The following LRRIQ1 variants were observed in gnomAD, a reference collection of about 807,000 sequenced individuals.
The protein encoded by LRRIQ1 is leucine rich repeats and IQ motif containing 1, also known as leucine-rich repeat- and IQ domain-containing protein 1.
In LRRIQ1, 210 loss-of-function variants were observed where a neutral mutation model predicts 211.9. The observed-to-expected ratio is 0.99, with a 90% CI of 0.89 to 1.11. The LOEUF is 1.11. Among genes scored for constraint, LRRIQ1 ranks in the 50% most tolerant of loss-of-function variants. The pLI is 0.00. For missense variants in LRRIQ1, 2,136 were observed against 1,939.5 expected (o/e 1.10, Z -1.90); for synonymous variants, 699 against 650.1 (o/e 1.08, Z -1.14).
chr12:85,180,475 A>G (rs777967211), intron 24 of LRRIQ1, among the ~76,000 whole-genome samples: 61 of 152,032 alleles, frequency 4.0e-4, no homozygotes, highest in Admixed American at 1.4e-3. Flanking sequence ...TCATTATTTT[A>G]ATTAAAAAAA....
intron 24 of LRRIQ1, chr12:85,162,940 C>T (rs1408814829): frequency 5.5e-6 from 2 of 364,192 alleles, no homozygotes; most frequent in Non-Finnish European, 1.1e-5. Flanking sequence ...TTTTTTTTAA[C>T]AGTTAATATG....
intron 11 of LRRIQ1, among the ~76,000 whole-genome samples, chr12:85,084,484 AT>A (rs1884613753): frequency 6.7e-6 from 1 of 149,924 alleles, no homozygotes; most frequent in African/African-American, 2.5e-5. Context: ...AATAATACTT[AT>A]TATTGCTAGG....
chr12:85,264,784 C>T (rs905731133), downstream of LRRIQ1, among the ~76,000 whole-genome samples: 3 of 152,060 alleles, frequency 2.0e-5, no homozygotes, highest in African/African-American at 7.2e-5. Context: ...TGGACCTAGG[C>T]AATGTTACTA....
chr12:85,219,600 C>G (rs563328868), intron 24 of LRRIQ1, among the ~76,000 whole-genome samples: 154 of 151,764 alleles, frequency 1.0e-3, no homozygotes, highest in African/African-American at 3.6e-3. Context: ...TTTTTTTTCC[C>G]TCTCTGCCAT....
In LRRIQ1 at chr12:85,137,882, A is replaced by G; in HGVS notation, c.4242A>G (p.Lys1414=). ...AVWKGFILRK[K]LTTALEAIKN... ...GGAAGGGCTTTATTTTGCGAAAGAA[A>G]CTGACAACAGCTCTAGAGGCTATTA... The change falls in exon 19 of 27, where the codon AAA becomes AAG. Residue 1414 remains lysine (K), a synonymous_variant. Coordinates refer to ENST00000393217, the MANE Select transcript of LRRIQ1 (RefSeq NM_001079910.2). 4 of 1,594,836 alleles carry G rather than the reference A, an allele frequency of 2.5e-6. No individual in the cohort carries two copies. Among genetic ancestry groups the G allele is most frequent in the Non-Finnish European group, 3.4e-6 (4 of 1,170,966 alleles).
At chr12:85,061,742 CTGTT>C (rs1006585023) in intron 8 of LRRIQ1, among the ~76,000 whole-genome samples, 3 of 151,700 alleles carry the variant, frequency 2.0e-5, no homozygotes, top group Non-Finnish European at 3.0e-5. Flanking sequence ...GAATGTATAT[CTGTT>C]TGTTACAGAT....
chr12:85,128,093 T>G, intron 18 of LRRIQ1, 60 bp downstream of exon 18: 2 of 1,215,852 alleles, frequency 1.6e-6, no homozygotes, highest in Non-Finnish European at 2.4e-6. Context: ...CTTTCATGAT[T>G]TATTCTGTAT....
At chr12:85,239,406 C>CAT (rs1291488414) in intron 26 of LRRIQ1, among the ~76,000 whole-genome samples, 9 of 144,826 alleles carry the variant, frequency 6.2e-5, no homozygotes, top group Non-Finnish European at 1.1e-4. Flanking sequence ...TATACACACA[C>CAT]ATATATGTAT....
At chr12:85,085,192 G>A (rs1369548506) in intron 11 of LRRIQ1, among the ~76,000 whole-genome samples, 1 of 152,098 alleles carries the variant, frequency 6.6e-6, no homozygotes, top group Non-Finnish European at 1.5e-5. Flanking sequence ...CCGAGACTGG[G>A]TAATTTATAA....
chr12:85,192,568 A>G (rs1892599316), intron 24 of LRRIQ1, among the ~76,000 whole-genome samples: 1 of 117,736 alleles, frequency 8.5e-6, no homozygotes, highest in African/African-American at 3.5e-5. Context: ...ATATAATTAT[A>G]TATAAATATA....
At position 85,052,254 on chromosome 12, in the gene LRRIQ1, A is replaced by G. The variant is rs763758526; in HGVS notation, c.753+3A>G. On this transcript the variant is annotated splice_donor_region_variant and intron_variant, in intron 7 of 26. Coordinates refer to ENST00000393217, the MANE Select transcript of LRRIQ1 (RefSeq NM_001079910.2). ...AAGAGAAATTTAAACAGCATGAGGT[A>G]TCTATTTGTTGTTTTTATTTAGCAC... The G allele has an allele frequency of 7.0e-7, 1 of 1,424,998 alleles. No homozygotes were observed. The highest frequency in any genetic ancestry group is 9.7e-7 in the Non-Finnish European group (1 of 1,030,382). The allele number at this position is 1,424,998 out of a possible 1,614,324, so 88.3% of individuals were successfully genotyped here.
chr12:85,064,879 G>C (rs1882262636), intron 8 of LRRIQ1, among the ~76,000 whole-genome samples: 1 of 151,692 alleles, frequency 6.6e-6, no homozygotes. Context: ...CTGTTTCATT[G>C]GTCTGTGTGT....
At position 85,198,083 on chromosome 12, in the gene LRRIQ1, T is replaced by A. The variant is rs866401465; in HGVS notation, c.4823-31434T>A. ...ATATAACATATTATTTATATATAATTTATTATATTATATATTATATTATTT... is the reference window on the plus strand; with the variant it reads ...ATATAACATATTATTTATATATAATATATTATATTATATATTATATTATTT... On this transcript the variant is annotated intron_variant, in intron 24 of 26. Transcript: ENST00000393217. Among the ~76,000 whole-genome samples, 272 of 109,954 alleles carry A rather than the reference T, an allele frequency of 2.5e-3. 2 individuals are homozygous for A. The highest frequency in any genetic ancestry group is 0.011 in the African/African-American group (263 of 24,986). The allele number at this position is 109,954 out of a possible 152,430, so 72.1% of individuals were successfully genotyped here. A position where few individuals can be genotyped will look rare whatever the true frequency, so the allele number is the denominator to read the frequency against.
chr12:85,082,453 T>C (rs1022828874), intron 11 of LRRIQ1, among the ~76,000 whole-genome samples: 33 of 150,366 alleles, frequency 2.2e-4, no homozygotes, highest in Non-Finnish European at 3.4e-4. Context: ...TTGTATCTAT[T>C]TGTCTGCCAT....
At chr12:85,102,959 A>ATATATATATATATATAT (rs1555207753) in intron 13 of LRRIQ1, among the ~76,000 whole-genome samples, 8 of 108,466 alleles carry the variant, frequency 7.4e-5, no homozygotes, top group East Asian at 2.8e-4. Context: ...AAAAAAAAAA[A>ATATATATATATATATAT]ATATATATAT....
At chr12:85,177,146 A>G (rs911223741) in intron 24 of LRRIQ1, among the ~76,000 whole-genome samples, 3 of 152,150 alleles carry the variant, frequency 2.0e-5, no homozygotes, top group African/African-American at 4.8e-5. Context: ...TACAAGAATG[A>G]GCTCACCTTT....
chr12:85,188,015 C>T (rs963620415), intron 24 of LRRIQ1, among the ~76,000 whole-genome samples: 4 of 151,908 alleles, frequency 2.6e-5, no homozygotes, highest in African/African-American at 9.7e-5. Context: ...ATCACACACA[C>T]AGAAGTATAC....
chr12:85,065,179 TA>T, intron 8 of LRRIQ1, 82 bp from the exon 9 acceptor site: 1 of 1,166,848 alleles, frequency 8.6e-7, no homozygotes, highest in Non-Finnish European at 1.2e-6. Flanking sequence ...ATGAATTTTC[TA>T]AACAGTTTTG....
At chr12:85,133,677 G>A (rs1352414923) in intron 18 of LRRIQ1, among the ~76,000 whole-genome samples, 2 of 152,120 alleles carry the variant, frequency 1.3e-5, no homozygotes, top group South Asian at 4.1e-4. Context: ...AGACATGTTG[G>A]ATGGGTAAAG....
Sources: allele counts gnomAD v4.1 joint callset (sites outside exome capture counted in the v4.1 genomes callset), GRCh38; gene constraint gnomAD v4.1.1; transcripts MANE v1.5; gene names NCBI Gene and HGNC (gene_info 2026-07-23, HGNC 2026-07-21).